Variants in PLD5 observed in about 807,000 individuals in gnomAD.
The protein encoded by PLD5 is phospholipase D family member 5, also known as inactive phospholipase D5.
Under a neutral mutation model 61.1 loss-of-function variants are expected in PLD5, and 36 were observed. The ratio of observed to expected loss-of-function variants is 0.59; its 90% CI spans 0.45 to 0.78. The LOEUF (loss-of-function observed/expected upper bound fraction) is 0.78. Ranked by LOEUF, PLD5 falls within the 30% of genes least tolerant of loss-of-function variation. The pLI is 0.00. For synonymous variants in PLD5, 243 were observed against 242.8 expected (o/e 1.00, Z -0.01); for missense variants, 515 against 644.4 (o/e 0.80, Z 2.17).
chr1:242,490,588 T>G (rs1384988038), intron 1 of PLD5, among the ~76,000 whole-genome samples: 6 of 152,242 alleles, frequency 3.9e-5, no homozygotes, highest in African/African-American at 1.4e-4. Flanking sequence ...ATCAAAACGT[T>G]CATTTATTAT....
intron 5 of PLD5, among the ~76,000 whole-genome samples, chr1:242,192,627 G>C (rs1668353836): frequency 6.6e-6 from 1 of 152,144 alleles, no homozygotes; most frequent in Non-Finnish European, 1.5e-5. Context: ...TAAGAAACTA[G>C]ACAAATGAGA....
intron 1 of PLD5, among the ~76,000 whole-genome samples, chr1:242,409,879 A>G (rs1409523949): frequency 6.6e-6 from 1 of 152,216 alleles, no homozygotes; most frequent in Non-Finnish European, 1.5e-5. Flanking sequence ...AAGACACGGG[A>G]ATCGCCATGT....
chr1:242,376,746 T>C (rs1661981797), intron 1 of PLD5, among the ~76,000 whole-genome samples: 1 of 152,212 alleles, frequency 6.6e-6, no homozygotes, highest in Non-Finnish European at 1.5e-5. Flanking sequence ...CAAATACTGT[T>C]TTAATACTTA....
intron 5 of PLD5, among the ~76,000 whole-genome samples, chr1:242,213,246 T>C (rs867003611): frequency 1.3e-5 from 2 of 152,206 alleles, no homozygotes; most frequent in South Asian, 2.1e-4. Context: ...GTCGATTTCA[T>C]TGGAAAGTGC....
At chr1:242,276,977 G>T (rs1311115567) in intron 3 of PLD5, among the ~76,000 whole-genome samples, 2 of 152,082 alleles carry the variant, frequency 1.3e-5, no homozygotes, top group Non-Finnish European at 2.9e-5. Context: ...TGCTCATCAT[G>T]CCAATCACGG....
chr1:242,346,013 T>TCC (rs71176750), intron 2 of PLD5, among the ~76,000 whole-genome samples: 10 of 102,490 alleles, frequency 9.8e-5, no homozygotes, highest in Non-Finnish European at 1.8e-4. Flanking sequence ...AGAAAAGATC[T>TCC]CCCCCCCCCC....
intron 5 of PLD5, among the ~76,000 whole-genome samples, chr1:242,132,129 AC>A (rs1157573418): frequency 7.4e-6 from 1 of 134,242 alleles, no homozygotes; most frequent in Non-Finnish European, 1.5e-5. Context: ...CCACGCCCAG[AC>A]TTTTATTTCT....
intron 3 of PLD5, among the ~76,000 whole-genome samples, chr1:242,268,951 T>C (rs1268467011): frequency 6.6e-6 from 1 of 152,254 alleles, no homozygotes; most frequent in East Asian, 1.9e-4. Flanking sequence ...CAAGTGATTC[T>C]CCTGCCTCAG....
chr1:242,114,218 G>A (rs766770535), intron 6 of PLD5, among the ~76,000 whole-genome samples, 192 bp from the exon 7 acceptor site: 17 of 152,118 alleles, frequency 1.1e-4, no homozygotes, highest in Non-Finnish European at 2.5e-4. Flanking sequence ...GGTAGGATGG[G>A]TCTCAAGTCT....
At chr1:242,528,632 T>A (rs146348293), upstream of PLD5, among the ~76,000 whole-genome samples, 43 of 152,310 alleles carry the variant, frequency 2.8e-4, no homozygotes, top group African/African-American at 1.0e-3. Context: ...GTAGCACATA[T>A]CACATTTACT....
chr1:242,297,693 G>A (rs1675783084), intron 2 of PLD5, among the ~76,000 whole-genome samples: 1 of 140,540 alleles, frequency 7.1e-6, no homozygotes, highest in South Asian at 2.3e-4. Context: ...ACTGCGGACT[G>A]CAGTGGCGCA....
intron 4 of PLD5, among the ~76,000 whole-genome samples, chr1:242,257,362 C>T (rs553817562): frequency 1.1e-4 from 17 of 152,280 alleles, no homozygotes; most frequent in South Asian, 2.1e-4. Context: ...GAAGAAAATA[C>T]ATGTTTGATT....
chr1:242,237,970 C>A (rs1175398697), intron 4 of PLD5, among the ~76,000 whole-genome samples: 13 of 152,276 alleles, frequency 8.5e-5, no homozygotes, highest in Admixed American at 7.8e-4. Flanking sequence ...GTGTCTGAAC[C>A]CTACCTAGCT....
chr1:242,394,362 ATATATGAGTATATATGT>A, intron 1 of PLD5, among the ~76,000 whole-genome samples: 1 of 96,840 alleles, frequency 1.0e-5, no homozygotes, highest in Non-Finnish European at 2.0e-5. Context: ...ATATGTGTGT[ATATATGAGTATATATGT>A]GTGTATATAT....
intron 3 of PLD5, among the ~76,000 whole-genome samples, chr1:242,272,241 G>C (rs1294206325): frequency 6.6e-6 from 1 of 151,948 alleles, no homozygotes; most frequent in African/African-American, 2.4e-5. Context: ...GTACCAAAGA[G>C]CATGGCAACT....
At chr1:242,241,902 TATATATATACTTACTGTATATATATATAC>T (rs1672050574) in intron 4 of PLD5, among the ~76,000 whole-genome samples, 1 of 39,626 alleles carries the variant, frequency 2.5e-5, no homozygotes, top group Non-Finnish European at 5.3e-5. Flanking sequence ...TATATATATA[TATATATATACTTACTGTATATATATATAC>T]GCTTATATAT....
intron 5 of PLD5, among the ~76,000 whole-genome samples, chr1:242,180,234 T>C (rs992178555): frequency 5.9e-5 from 9 of 152,042 alleles, no homozygotes; most frequent in Non-Finnish European, 8.8e-5. Flanking sequence ...TACAAAGAGC[T>C]AGAAGAGGGC....
At chr1:242,128,625 G>A (rs1662992195) in intron 5 of PLD5, among the ~76,000 whole-genome samples, 1 of 152,196 alleles carries the variant, frequency 6.6e-6, no homozygotes, top group African/African-American at 2.4e-5. Context: ...CAATATGATA[G>A]GATGTGATTA....
chr1:242,302,266 C>T (rs959301753), intron 2 of PLD5, among the ~76,000 whole-genome samples: 12 of 152,132 alleles, frequency 7.9e-5, no homozygotes, highest in African/African-American at 2.7e-4. Context: ...GAACAGATAC[C>T]CATTATTAAG....
Sources: gnomAD v4.1 joint callset for allele counts (sites outside exome capture counted in the v4.1 genomes callset) on GRCh38, gnomAD v4.1.1 for gene constraint, MANE v1.5 for transcripts, NCBI Gene and HGNC (gene_info 2026-07-23, HGNC 2026-07-21) for gene names.